AKR7A2: variants seen among roughly 807,000 people sequenced by gnomAD.
AKR7A2 encodes aflatoxin B1 aldehyde reductase member 2.
In AKR7A2, 29 loss-of-function variants were observed where a neutral mutation model predicts 37.3. The ratio of observed to expected loss-of-function variants is 0.78; its 90% CI spans 0.58 to 1.06. The LOEUF (loss-of-function observed/expected upper bound fraction) is 1.06. Among genes scored for constraint, AKR7A2 ranks in the 50% least tolerant of loss-of-function variants. The pLI, the probability that AKR7A2 is intolerant of heterozygous loss-of-function variation, is 0.00. For missense variants in AKR7A2, 529 were observed against 497.9 expected, an observed-to-expected ratio of 1.06 and a Z score of -0.59; for synonymous variants, 228 against 217.8, an observed-to-expected ratio of 1.05 and a Z score of -0.41.
intron 1 of AKR7A2, among the ~76,000 whole-genome samples, chr1:19,309,550 A>G (rs558819781): frequency 9.2e-5 from 14 of 152,238 alleles, no homozygotes; most frequent in Non-Finnish European, 2.1e-4. Context: ...ACACATCGCT[A>G]TGACAACAGT....
Position 19,307,076 on chromosome 1 carries a change from C to T in AKR7A2, c.714G>A (p.Lys238=). 2 of 1,614,232 alleles carry T rather than the reference C, an allele frequency of 1.2e-6. No individual in the cohort carries two copies. Among genetic ancestry groups the T allele is most frequent in the South Asian group, 1.1e-5 (1 of 91,092 alleles). Residue 238 remains lysine (K), a synonymous_variant, in exon 5 of 7, where the codon AAG becomes AAA. Transcript: ENST00000235835. The stretch of plus-strand genomic sequence containing the variant: ...GCTGTTTCCCGTCCTTGTCCTCATA[C>T]TTGTACTTGCCAGTCAGCAGGCCCC... ...LAGGLLTGKY[K]YEDKDGKQPV...
At position 19,312,027 on chromosome 1, in the gene AKR7A2, G is replaced by A; in HGVS notation, c.98C>T (p.Pro33Leu). Residue 33 changes from proline to leucine, a missense_variant, in exon 1 of 7, where the codon CCA (proline) becomes CTA (leucine). Pro to Leu is a moderately conservative substitution (Grantham distance 98). Coordinates refer to ENST00000235835, the MANE Select transcript of AKR7A2 (RefSeq NM_003689.4). The stretch of plus-strand genomic sequence containing the variant: ...CACCGAGGCGACCCGCGGTGGCGGT[G>A]GCCGGGACATGGCGAGCGCGCGGGC... Reference protein sequence around the residue: ...PEARALAMSRPPPPRVASVLG... With the variant: ...PEARALAMSRLPPPRVASVLG... 11 of 1,443,050 alleles carry A rather than the reference G, an allele frequency of 7.6e-6. No individual in the cohort carries two copies. The highest frequency in any genetic ancestry group is 1.0e-5 in the Non-Finnish European group (11 of 1,103,700). The allele number at this position is 1,443,050 out of a possible 1,614,324, so 89.4% of individuals were successfully genotyped here.
intron 3 of AKR7A2, chr1:19,307,715 A>C (rs966052166): frequency 1.5e-5 from 8 of 525,424 alleles, no homozygotes; most frequent in Non-Finnish European, 2.1e-5. Context: ...ATAGACAAGG[A>C]AGGCAGTTAA....
At chr1:19,305,639 A>G (rs1238070493) in intron 6 of AKR7A2, among the ~76,000 whole-genome samples, 2 of 152,220 alleles carry the variant, frequency 1.3e-5, no homozygotes, top group Admixed American at 6.5e-5. Context: ...GCCACTGATC[A>G]GGAAATAAGT....
At chr1:19,305,838 T>C (rs3828102) in intron 6 of AKR7A2, among the ~76,000 whole-genome samples, 180 bp downstream of exon 6, 68,156 of 152,030 alleles carry the variant, frequency 0.45, 15,633 homozygotes, top group East Asian at 0.6. Flanking sequence ...GTAATGAAAA[T>C]CCCTCACTAC....
In AKR7A2 at chr1:19,311,886, C is replaced by T. The variant is rs1369457000; in HGVS notation, c.239G>A (p.Gly80Asp). 6.2e-7 allele frequency: 1 copy of T among 1,610,790 alleles called. No individual in the cohort carries two copies. The highest frequency in any genetic ancestry group is 2.2e-5 in the East Asian group (1 of 44,868). ...ELDTAFMYSD[G>D]QSETILGGLG... ...GCCGCCCAGGATGGTCTCGGACTGG[C>T]CGTCGCTGTACATGAAGGCCGTGTC... Residue 80 changes from glycine to aspartate, a missense_variant, in exon 1 of 7, where the codon GGC becomes GAC. Transcript: ENST00000235835.
At chr1:19,303,341 C>T (rs1287087903), downstream of AKR7A2, among the ~76,000 whole-genome samples, 3 of 152,140 alleles carry the variant, frequency 2.0e-5, no homozygotes, top group African/African-American at 7.2e-5. Context: ...AGAAGCTGCT[C>T]CAAGTGCTGC....
rs146032379 is a variant in AKR7A2, at chr1:19,304,325, A to G, written c.980T>C (p.Leu327Ser). ...MSSLEQLEQN[L>S]AATEEGPLEP... is the part of the protein sequence containing the mutation. ...CAGGGGCCCTTCCTCTGTTGCTGCC[A>G]AGTTCTGCTCCAGCTGCTCCAGGCT... The change falls in exon 7 of 7, where the codon TTG (leucine) becomes TCG (serine). Residue 327 changes from leucine (L) to serine (S), a missense_variant. Transcript: ENST00000235835. 2.3e-5 allele frequency: 37 copies of G among 1,614,016 alleles called. 1 individual carries two copies. The highest frequency in any genetic ancestry group is 2.8e-5 in the Non-Finnish European group (33 of 1,180,018).
chr1:19,307,251 T>A, intron 4 of AKR7A2, 63 bp downstream of exon 4: 2 of 1,609,314 alleles, frequency 1.2e-6, no homozygotes, highest in Non-Finnish European at 1.7e-6. Context: ...GCTTCATAAA[T>A]TCTGGGCTGG....
At chr1:19,307,209 A>G in intron 4 of AKR7A2, 105 bp downstream of exon 4, 2 of 1,589,370 alleles carry the variant, frequency 1.3e-6, no homozygotes, top group South Asian at 1.1e-5. Context: ...GGGGCTGAAG[A>G]ACACAGCCCA....
chr1:19,304,140 A>G lies in AKR7A2; in HGVS notation c.*85T>C. 6.2e-7 allele frequency: 1 copy of G among 1,602,986 alleles called. No homozygotes were observed. Among genetic ancestry groups the G allele is most frequent in the Non-Finnish European group, 8.5e-7 (1 of 1,170,000 alleles). On this transcript the variant is annotated 3_prime_UTR_variant, in exon 7 of 7. Transcript: ENST00000235835. ...CTAGACAATTCAGAAAAACCCTTCT[A>G]AGTCAGCTTAAGGCCAAGACTGGTC...
In AKR7A2 at chr1:19,304,324, C is replaced by G. The variant is rs767628218; in HGVS notation, c.981G>C (p.Leu327Phe). 2 of 1,614,126 alleles carry G rather than the reference C, an allele frequency of 1.2e-6. No individual in the cohort carries two copies. The highest frequency in any genetic ancestry group is 2.2e-5 in the South Asian group (2 of 91,086). The part of the protein sequence containing the change: ...MSSLEQLEQN[L>F]AATEEGPLEP... Reference sequence around the variant, plus strand: ...CCAGGGGCCCTTCCTCTGTTGCTGCCAAGTTCTGCTCCAGCTGCTCCAGGC... The same window carrying G: ...CCAGGGGCCCTTCCTCTGTTGCTGCGAAGTTCTGCTCCAGCTGCTCCAGGC... Residue 327 changes from leucine to phenylalanine, a missense_variant, in exon 7 of 7, where the codon TTG becomes TTC. By Grantham distance (22) the Leu-to-Phe change is conservative. Coordinates refer to ENST00000235835, the MANE Select transcript of AKR7A2 (RefSeq NM_003689.4).
At chr1:19,303,731 G>C (rs757276929), downstream of AKR7A2, among the ~76,000 whole-genome samples, 33 of 152,202 alleles carry the variant, frequency 2.2e-4, no homozygotes, top group Non-Finnish European at 3.7e-4. Context: ...TAGAGAAAAT[G>C]TACTGCAGGT....
rs2093776871 is a variant in AKR7A2, at chr1:19,311,837, G to A, written c.288C>T (p.Gly96=). The change falls in exon 1 of 7, where the codon GGC becomes GGT. Residue 96 remains glycine (G), a synonymous_variant. Coordinates refer to ENST00000235835, the MANE Select transcript of AKR7A2 (RefSeq NM_003689.4). ...LGGLGLGLGG[G]DCRVKIATKA... is the part of the protein sequence containing the mutation. ...TGCAGCTACTGTTACCTCTGCAGTCGCCACCGCCCAGCCCGAGCCCCAGGC... is the reference window on the plus strand; with the variant it reads ...TGCAGCTACTGTTACCTCTGCAGTCACCACCGCCCAGCCCGAGCCCCAGGC... The A allele has an allele frequency of 1.9e-6, 3 of 1,610,144 alleles. 1 individual carries two copies. The South Asian group carries it at 3.3e-5, about 18-fold the overall frequency.
chr1:19,307,117 A>G lies in AKR7A2; in HGVS notation c.689-16T>C. 6 of 1,613,980 alleles carry G rather than the reference A, an allele frequency of 3.7e-6. No individual in the cohort carries two copies. The highest frequency in any genetic ancestry group is 5.1e-6 in the Non-Finnish European group (6 of 1,179,806). On this transcript the variant is annotated splice_polypyrimidine_tract_variant and intron_variant, in intron 4 of 6. Coordinates refer to ENST00000235835, the MANE Select transcript of AKR7A2 (RefSeq NM_003689.4). ...AGCAGGCCCCCTGCGGGAAGGCAGC[A>G]ATCAGCCCCTGGCCCCAGAGTGCCC...
In AKR7A2 at chr1:19,306,139, T is replaced by C; in HGVS notation, c.797A>G (p.Lys266Arg). The change falls in exon 6 of 7, where the codon AAG becomes AGG. Residue 266 changes from lysine (K) to arginine (R), a missense_variant. By Grantham distance (26) the Lys-to-Arg change is conservative. Transcript: ENST00000235835. ...CGCAATGGCCTCGAAGTGGTGCTCCTTCCAGAAGCTGTGCAGAGGGGATGT... is the reference window on the plus strand; with the variant it reads ...CGCAATGGCCTCGAAGTGGTGCTCCCTCCAGAAGCTGTGCAGAGGGGATGT... ...WAETYRNRFW[K>R]EHHFEAIALV... 6.2e-7 allele frequency: 1 copy of C among 1,614,190 alleles called. No individual in the cohort carries two copies. Among genetic ancestry groups the C allele is most frequent in the Non-Finnish European group, 8.5e-7 (1 of 1,180,014 alleles).
chr1:19,307,624 C>G, intron 3 of AKR7A2: 1 of 617,056 alleles, frequency 1.6e-6, no homozygotes, highest in Non-Finnish European at 2.9e-6. Flanking sequence ...TGTATGAACT[C>G]CATGCTGGAC....
rs1047466800 is a variant in AKR7A2, at chr1:19,307,543, G to A, written c.592-133C>T. 29 of 962,788 alleles carry A rather than the reference G, an allele frequency of 3.0e-5. No homozygotes were observed. The East Asian group carries it at 7.6e-4, about 25-fold the overall frequency. The allele number at this position is 962,788 out of a possible 1,614,324, so 59.6% of individuals were successfully genotyped here. A position where few individuals can be genotyped will look rare whatever the true frequency, so the allele number is the denominator to read the frequency against. On this transcript the variant is annotated intron_variant, in intron 3 of 6. Coordinates refer to ENST00000235835, the MANE Select transcript of AKR7A2 (RefSeq NM_003689.4). ...TTCTAACATCACTACTGTTAGTAGG[G>A]GATGGAGGGAAGGTGTTGGGCCCAA...
In AKR7A2 at chr1:19,307,339, C is replaced by T. The variant is rs746138686; in HGVS notation, c.663G>A (p.Arg221=). The change falls in exon 4 of 7, where the codon AGG becomes AGA. Residue 221 remains arginine, a synonymous_variant. Transcript: ENST00000235835. ...LFPCLRHFGL[R]FYAYNPLAGG... ...CAGCCAGAGGGTTGTAGGCATAGAACCTCAGTCCAAAGTGCCTGAGGCAGG... is the reference window on the plus strand; with the variant it reads ...CAGCCAGAGGGTTGTAGGCATAGAATCTCAGTCCAAAGTGCCTGAGGCAGG... The T allele has an allele frequency of 7.4e-6, 12 of 1,613,624 alleles. No individual in the cohort carries two copies. In the Admixed American group the frequency reaches 8.3e-5, roughly 11 times the overall value.
Sources: allele counts gnomAD v4.1 joint callset (sites outside exome capture counted in the v4.1 genomes callset), GRCh38; gene constraint gnomAD v4.1.1; transcripts MANE v1.5; gene names NCBI Gene and HGNC (gene_info 2026-07-23, HGNC 2026-07-21).